Variants in PTPRD observed in about 807,000 individuals in gnomAD.
PTPRD encodes the protein protein tyrosine phosphatase receptor type D.
Under a neutral mutation model 214.5 loss-of-function variants are expected in PTPRD, and 34 were observed. That is an observed-to-expected ratio of 0.16 (90% CI 0.12 to 0.21). The LOEUF is 0.21. Ranked by LOEUF, PTPRD falls within the 10% of genes least tolerant of loss-of-function variation. PTPRD has a pLI of 1.00. For synonymous variants in PTPRD, 1,128 were observed against 845.7 expected (o/e 1.33, Z -5.79); for missense variants, 2,545 against 2,398.7 (o/e 1.06, Z -1.27).
At chr9:9,512,421 G>A (rs780905546) in intron 8 of PTPRD, among the ~76,000 whole-genome samples, 1 of 151,706 alleles carries the variant, frequency 6.6e-6, no homozygotes, top group Non-Finnish European at 1.5e-5. Flanking sequence ...AGGTAGAAGG[G>A]TTATCTTCAC....
At chr9:10,007,821 C>T (rs1467529717) in intron 4 of PTPRD, among the ~76,000 whole-genome samples, 3 of 151,894 alleles carry the variant, frequency 2.0e-5, no homozygotes, top group African/African-American at 4.8e-5. Context: ...TTATCTGTTA[C>T]AATTGATGCA....
intron 12 of PTPRD, among the ~76,000 whole-genome samples, chr9:8,669,216 G>A (rs1260892316): frequency 1.3e-5 from 2 of 152,126 alleles, no homozygotes; most frequent in Non-Finnish European, 2.9e-5. Flanking sequence ...TTACTAGAGG[G>A]TAGCGGGGTG....
At chr9:8,787,646 G>C (rs1045355186) in intron 11 of PTPRD, among the ~76,000 whole-genome samples, 2 of 152,210 alleles carry the variant, frequency 1.3e-5, no homozygotes, top group African/African-American at 2.4e-5. Flanking sequence ...CGGAGCAGGA[G>C]AGAAGATTAG....
intron 3 of PTPRD, among the ~76,000 whole-genome samples, chr9:10,061,324 G>T (rs920125989): frequency 1.3e-5 from 2 of 151,998 alleles, no homozygotes; most frequent in Non-Finnish European, 2.9e-5. Flanking sequence ...AAATAGAATG[G>T]AAAGGACCTA....
chr9:9,980,435 C>T (rs2095499782), intron 4 of PTPRD, among the ~76,000 whole-genome samples: 2 of 150,736 alleles, frequency 1.3e-5, no homozygotes, highest in Admixed American at 1.3e-4. Context: ...TGGTGAAACT[C>T]CGTCTCTACT....
At chr9:8,866,466 G>T (rs80040457) in intron 11 of PTPRD, among the ~76,000 whole-genome samples, 4,048 of 152,038 alleles carry the variant, frequency 0.027, 132 homozygotes, top group East Asian at 0.089. Flanking sequence ...GCCCCAACGT[G>T]CTGCCCAATT....
intron 5 of PTPRD, among the ~76,000 whole-genome samples, chr9:9,901,521 C>G (rs1174892424): frequency 6.6e-6 from 1 of 151,826 alleles, no homozygotes; most frequent in Non-Finnish European, 1.5e-5. Context: ...TAAGAATTAA[C>G]AGTTGCTGGG....
chr9:8,321,702 T>TC (rs1828419332), intron 44 of PTPRD, among the ~76,000 whole-genome samples: 2 of 151,678 alleles, frequency 1.3e-5, no homozygotes, highest in Admixed American at 1.3e-4. Context: ...TTAGAGATTA[T>TC]TTTAGAAAAG....
intron 35 of PTPRD, among the ~76,000 whole-genome samples, chr9:8,414,957 G>C (rs937025206): frequency 6.7e-6 from 1 of 148,932 alleles, no homozygotes; most frequent in African/African-American, 2.5e-5. Context: ...GAGAGAGAGA[G>C]AGAGAGAGAG....
intron 3 of PTPRD, among the ~76,000 whole-genome samples, chr9:10,287,524 T>A (rs937688080): frequency 1.3e-5 from 2 of 152,104 alleles, no homozygotes; most frequent in African/African-American, 4.8e-5. Context: ...ATGCCGCCAT[T>A]GCTACTGCAT....
chr9:8,893,148 T>C (rs375517859), intron 11 of PTPRD, among the ~76,000 whole-genome samples: 17 of 152,104 alleles, frequency 1.1e-4, no homozygotes, highest in African/African-American at 4.1e-4. Flanking sequence ...TTGAAGAGTT[T>C]TGTTTTGTTT....
intron 3 of PTPRD, among the ~76,000 whole-genome samples, chr9:10,294,945 T>G (rs1412673918): frequency 6.6e-6 from 1 of 151,754 alleles, no homozygotes; most frequent in Admixed American, 6.6e-5. Context: ...TCCTTAAGAA[T>G]AAATATAATA....
At chr9:8,891,234 G>C (rs1343036484) in intron 11 of PTPRD, among the ~76,000 whole-genome samples, 1 of 146,528 alleles carries the variant, frequency 6.8e-6, no homozygotes, top group Non-Finnish European at 1.5e-5. Context: ...CCCGGGTTCA[G>C]GCCATCCTCC....
intron 3 of PTPRD, among the ~76,000 whole-genome samples, chr9:10,090,276 T>G (rs2098413077): frequency 6.6e-6 from 1 of 151,688 alleles, no homozygotes; most frequent in Non-Finnish European, 1.5e-5. Flanking sequence ...TTCATTCTAC[T>G]ATCAAGAACC....
At chr9:8,405,577 G>A (rs762050053) in intron 35 of PTPRD, among the ~76,000 whole-genome samples, 6 of 151,864 alleles carry the variant, frequency 4.0e-5, no homozygotes, top group Admixed American at 1.3e-4. Context: ...TTCCTGAAAC[G>A]TTATGGAAAT....
At chr9:10,578,411 T>C (rs2070357371) in intron 2 of PTPRD, among the ~76,000 whole-genome samples, 1 of 152,096 alleles carries the variant, frequency 6.6e-6, no homozygotes, top group Non-Finnish European at 1.5e-5. Context: ...ATACCTTTAT[T>C]TTAGGGGTTC....
chr9:9,508,575 G>T (rs993658566), intron 8 of PTPRD, among the ~76,000 whole-genome samples: 23 of 151,202 alleles, frequency 1.5e-4, no homozygotes, highest in African/African-American at 4.1e-4. Flanking sequence ...TTACATTTTT[G>T]ATGAGTTTCC....
chr9:9,837,328 A>G (rs1362816900), intron 5 of PTPRD, among the ~76,000 whole-genome samples: 1 of 152,184 alleles, frequency 6.6e-6, no homozygotes, highest in Non-Finnish European at 1.5e-5. Flanking sequence ...GATAGTTACA[A>G]TATCTAACAC....
intron 11 of PTPRD, among the ~76,000 whole-genome samples, chr9:8,910,258 C>A (rs146361869): frequency 0.018 from 2,688 of 151,918 alleles, 89 homozygotes; most frequent in African/African-American, 0.061. Context: ...AGGATGGTCT[C>A]GATCTCCTGA....
Sources: gnomAD v4.1 joint callset for allele counts (sites outside exome capture counted in the v4.1 genomes callset) on GRCh38, gnomAD v4.1.1 for gene constraint, MANE v1.5 for transcripts, NCBI Gene and HGNC (gene_info 2026-07-23, HGNC 2026-07-21) for gene names.